The following KCP variants were observed in gnomAD, a reference collection of about 807,000 sequenced individuals.
KCP encodes kielin/chordin-like protein.
In KCP, 194 loss-of-function variants were observed where a neutral mutation model predicts 212.7. That is an observed-to-expected ratio of 0.91 (90% confidence interval 0.81 to 1.03). KCP has a LOEUF of 1.03. Among genes scored for constraint, KCP ranks in the 50% least tolerant of loss-of-function variants. The pLI is 0.00. For synonymous variants in KCP, 833 were observed against 865.3 expected (o/e 0.96, Z 0.65); for missense variants, 2,080 against 2,162.5 (o/e 0.96, Z 0.76).
chr7:128,879,020 C>T (rs994211790), intron 37 of KCP: 18 of 437,556 alleles, frequency 4.1e-5, no homozygotes, highest in African/African-American at 2.2e-4. Context: ...AACCCCCTTC[C>T]GGGGATTCAC....
chr7:128,907,579 C>A, intron 2 of KCP, 126 bp from the exon 3 acceptor site: 4 of 575,908 alleles, frequency 6.9e-6, no homozygotes, highest in Non-Finnish European at 1.1e-5. Context: ...AGAGATGGGT[C>A]CCCCTCGGTC....
At chr7:128,883,018 T>C (rs887641060) in intron 29 of KCP, among the ~76,000 whole-genome samples, 1 of 151,896 alleles carries the variant, frequency 6.6e-6, no homozygotes, top group Non-Finnish European at 1.5e-5. Context: ...TGAGCCGAGA[T>C]TGTGCCACCG....
intron 1 of KCP, 44 bp downstream of exon 1, chr7:128,910,557 G>C: frequency 6.7e-7 from 1 of 1,484,570 alleles, no homozygotes; most frequent in Non-Finnish European, 8.9e-7. Context: ...AGGAGGGAGG[G>C]GGCGCACCTG....
rs1585220472 is a variant in KCP at position 128,890,965 on chromosome 7, G to T, written c.2104C>A (p.Pro702Thr). ...TGCGCGCAGGGCGCGGGCGGGCAGG[G>T]CAGCCGCTGGCAGGACACGGAGCCG... Reference protein sequence around the residue: ...LDGSVSCQRLPCPPAPCAHPR... With the variant: ...LDGSVSCQRLTCPPAPCAHPR... The change falls in exon 20 of 40, where the codon CCC becomes ACC. Residue 702 changes from proline (P) to threonine (T), a missense_variant. Coordinates refer to ENST00000610776, the MANE Select transcript of KCP (RefSeq NM_001366122.1). 1 of 1,275,276 alleles carries T rather than the reference G, an allele frequency of 7.8e-7. No individual in the cohort carries two copies. The allele number at this position is 1,275,276 out of a possible 1,614,324, so 79.0% of individuals were successfully genotyped here.
At position 128,888,976 on chromosome 7, in the gene KCP, C is replaced by G; in HGVS notation, c.2399G>C (p.Cys800Ser). 4 of 1,547,574 alleles carry G rather than the reference C, an allele frequency of 2.6e-6. No individual in the cohort carries two copies. The South Asian group carries it at 4.8e-5, about 18-fold the overall frequency. ...NQEFPDPREP[C>S]NLCTCLGGFV... ...GCCTCCAAGACAGGTACACAGGTTG[C>G]AGGGTTCTCGGGGGTCTGGGAACTC... is the stretch of plus-strand genomic sequence containing the variant. Residue 800 changes from cysteine (C) to serine (S), a missense_variant, in exon 22 of 40, where the codon TGC (cysteine) becomes TCC (serine). Physicochemically the swap from Cys to Ser is moderately radical, Grantham distance 112. Coordinates refer to ENST00000610776, the MANE Select transcript of KCP (RefSeq NM_001366122.1).
Position 128,910,704 on chromosome 7 carries a change from T to C in KCP, c.-28A>G. On this transcript the variant is annotated 5_prime_UTR_variant, in exon 1 of 40. Coordinates refer to ENST00000610776, the MANE Select transcript of KCP (RefSeq NM_001366122.1). ...TAGCTCCGCCTCGCTCGGCTCGCCG[T>C]CTGTCGTCGCGGCTCAGCAGGCGCT... The C allele has an allele frequency of 6.8e-7, 1 of 1,467,458 alleles. No homozygotes were observed. Among genetic ancestry groups the C allele is most frequent in the African/African-American group, 1.5e-5 (1 of 68,090 alleles). 90.9% of individuals were successfully genotyped at this position (1,467,458 alleles called of 1,614,324 possible). A position where few individuals can be genotyped will look rare whatever the true frequency, so the allele number is the denominator to read the frequency against.
At position 128,877,554 on chromosome 7, in the gene KCP, G is replaced by A; in HGVS notation, c.4548C>T (p.Ala1516=). Residue 1516 remains alanine (A), a synonymous_variant, in exon 39 of 40, where the codon GCC becomes GCT. Transcript: ENST00000610776. ...GACAGTGACTGGCGTAGGCTTCCAG[G>A]GCATCACAGAGGCAGGCATCAGCGG... ...GSSADACLCD[A]LEAYASHCRQ... 2 of 1,551,520 alleles carry A rather than the reference G, an allele frequency of 1.3e-6. No homozygotes were observed. Among genetic ancestry groups the A allele is most frequent in the Non-Finnish European group, 1.7e-6 (2 of 1,146,988 alleles).
At chr7:128,886,356 G>T in intron 26 of KCP, 108 bp downstream of exon 26, 1 of 908,238 alleles carries the variant, frequency 1.1e-6, no homozygotes, top group Non-Finnish European at 1.6e-6. Flanking sequence ...GCCAGTTGTT[G>T]GGGCAGGGAG....
In KCP at chr7:128,894,181, G is replaced by A. The variant is rs941947537; in HGVS notation, c.925+19C>T. 9.9e-6 allele frequency: 15 copies of A among 1,515,958 alleles called. No individual in the cohort carries two copies. In the South Asian group the frequency reaches 1.3e-4, roughly 13 times the overall value. The allele number at this position is 1,515,958 out of a possible 1,614,324, so 93.9% of individuals were successfully genotyped here. On this transcript the variant is annotated intron_variant, in intron 9 of 39. Coordinates refer to ENST00000610776, the MANE Select transcript of KCP (RefSeq NM_001366122.1). The stretch of plus-strand genomic sequence containing the variant: ...GGTTGCCCACCATGGTCAGGCCTCT[G>A]CCCTACCCACTGACTCACCATCACA...
At chr7:128,878,897 ACATT>A (rs1246677925) in intron 37 of KCP, 175 bp from the exon 38 acceptor site, 1 of 614,486 alleles carries the variant, frequency 1.6e-6, no homozygotes, top group African/African-American at 1.9e-5. Context: ...CCAAGTGGAT[ACATT>A]CTGTGCCAGC....
chr7:128,888,139 C>T (rs1349143311), intron 22 of KCP, among the ~76,000 whole-genome samples: 1 of 142,204 alleles, frequency 7.0e-6, no homozygotes, highest in Non-Finnish European at 1.5e-5. Context: ...CACACACACA[C>T]AGGGCCACAC....
chr7:128,903,483 G>A, intron 7 of KCP: 1 of 567,694 alleles, frequency 1.8e-6, no homozygotes, highest in South Asian at 2.2e-5. Flanking sequence ...GCACAAAGTA[G>A]AAAGCAAACA....
Position 128,893,485 on chromosome 7 carries a change from G to A in KCP, c.1100-9C>T. Reference sequence around the variant, plus strand: ...TCCCTGGTACTCACAGCCTGGATGGGATGACAGGGGCGTGGGGGTATAGGG... The same window carrying A: ...TCCCTGGTACTCACAGCCTGGATGGAATGACAGGGGCGTGGGGGTATAGGG... On this transcript the variant is annotated splice_polypyrimidine_tract_variant and intron_variant, in intron 11 of 39. Coordinates refer to ENST00000610776, the MANE Select transcript of KCP (RefSeq NM_001366122.1). 1 of 1,540,124 alleles carries A rather than the reference G, an allele frequency of 6.5e-7. No individual in the cohort carries two copies. The highest frequency in any genetic ancestry group is 2.4e-5 in the East Asian group (1 of 40,838).
intron 1 of KCP, among the ~76,000 whole-genome samples, chr7:128,909,302 AGAG>A (rs912335264): frequency 1.3e-5 from 2 of 152,078 alleles, no homozygotes; most frequent in African/African-American, 2.4e-5. Context: ...AGGAACAGAG[AGAG>A]GAGGAGGGAG....
chr7:128,880,239 C>T lies in KCP; in HGVS notation c.3759+147G>A, dbSNP rs1247325993. 1.9e-5 allele frequency: 24 copies of T among 1,283,828 alleles called. No individual in the cohort carries two copies. The East Asian group carries it at 2.6e-4, about 14-fold the overall frequency. 79.5% of individuals were successfully genotyped at this position (1,283,828 alleles called of 1,614,324 possible). A position where few individuals can be genotyped will look rare whatever the true frequency, so the allele number is the denominator to read the frequency against. ...TGTGAGTGAGGTCAGGGCACCACAT[C>T]GTGGTCGCACTGGGAACAGCACTGT... is the stretch of plus-strand genomic sequence containing the variant. On this transcript the variant is annotated intron_variant, in intron 34 of 39. Coordinates refer to ENST00000610776, the MANE Select transcript of KCP (RefSeq NM_001366122.1).
chr7:128,902,774 C>G lies in KCP; in HGVS notation c.831+3G>C. 6.4e-7 allele frequency: 1 copy of G among 1,551,474 alleles called. No homozygotes were observed. Among genetic ancestry groups the G allele is most frequent in the Non-Finnish European group, 8.7e-7 (1 of 1,146,928 alleles). ...ACAGACCAGGAGCAGCCTCAGGACT[C>G]ACCAGGCACCGGCAGATTCGGCAGG... is the stretch of plus-strand genomic sequence containing the variant. On this transcript the variant is annotated splice_donor_region_variant and intron_variant, in intron 8 of 39. Transcript: ENST00000610776.
intron 38 of KCP, 34 bp from the exon 39 acceptor site, chr7:128,877,824 C>G: frequency 2.0e-6 from 3 of 1,516,402 alleles, no homozygotes. Context: ...CGTGACAGCA[C>G]CACTGGCAGC....
chr7:128,890,836 C>G, intron 20 of KCP, 69 bp downstream of exon 20: 1 of 1,168,250 alleles, frequency 8.6e-7, no homozygotes, highest in African/African-American at 1.6e-5. Context: ...GGGGACTGGG[C>G]AGGGCGCTCC....
Position 128,887,272 on chromosome 7 carries a change from G to C in KCP, c.2541C>G (p.Ala847=), listed in dbSNP as rs1793713683. 1 of 1,551,302 alleles carries C rather than the reference G, an allele frequency of 6.4e-7. No individual in the cohort carries two copies. Among genetic ancestry groups the C allele is most frequent in the East Asian group, 2.4e-5 (1 of 40,936 alleles). Residue 847 remains alanine, a synonymous_variant, in exon 23 of 40, where the codon GCC becomes GCG. Transcript: ENST00000610776. The part of the protein sequence containing the change: ...QGCRYHGVTT[A]SGETLPDPLD... ...GTGGGTCAGGAAGGGTCTCTCCGGA[G>C]GCAGTAGTGACGCCATGGTAGCGGC...
Sources: allele counts gnomAD v4.1 joint callset (sites outside exome capture counted in the v4.1 genomes callset), GRCh38; gene constraint gnomAD v4.1.1; transcripts MANE v1.5; gene names NCBI Gene and HGNC (gene_info 2026-07-23, HGNC 2026-07-21).